SRD5A2: variants seen among roughly 807,000 people sequenced by gnomAD.
SRD5A2 encodes steroid 5 alpha-reductase 2.
A neutral mutation model predicts 27.4 loss-of-function variants in SRD5A2; 30 were observed. The observed-to-expected ratio is 1.10, with a 90% CI of 0.82 to 1.49. The LOEUF (loss-of-function observed/expected upper bound fraction) is 1.49. Among genes scored for constraint, SRD5A2 ranks in the 40% most tolerant of loss-of-function variants. The pLI is 0.00. For missense variants in SRD5A2, 348 were observed against 323.4 expected, an observed-to-expected ratio of 1.08 and a Z score of -0.58; for synonymous variants, 141 against 133.6, an observed-to-expected ratio of 1.06 and a Z score of -0.38.
chr2:31,532,378 C>T (rs1255017152), intron 2 of SRD5A2, among the ~76,000 whole-genome samples: 4 of 150,154 alleles, frequency 2.7e-5, no homozygotes, highest in Non-Finnish European at 4.5e-5. Context: ...CACACACACA[C>T]ACACACACAC....
chr2:31,574,642 A>T (rs943200283), intron 1 of SRD5A2, among the ~76,000 whole-genome samples: 1 of 152,226 alleles, frequency 6.6e-6, no homozygotes, highest in Non-Finnish European at 1.5e-5. Flanking sequence ...AAGTTCAAAT[A>T]AAAACTTAGA....
the SRD5A2 span, among the ~76,000 whole-genome samples, chr2:31,587,534 G>A: frequency 6.6e-6 from 1 of 152,190 alleles, no homozygotes; most frequent in Non-Finnish European, 1.5e-5. Flanking sequence ...TAAGGAAAAT[G>A]TGGCACATAT....
the SRD5A2 span, among the ~76,000 whole-genome samples, chr2:31,645,789 G>A: frequency 6.6e-6 from 1 of 152,112 alleles, no homozygotes; most frequent in African/African-American, 2.4e-5. Context: ...AATAGATATT[G>A]AATGAAAGAG....
At chr2:31,603,040 T>G in the SRD5A2 span, among the ~76,000 whole-genome samples, 1 of 151,828 alleles carries the variant, frequency 6.6e-6, no homozygotes, top group Non-Finnish European at 1.5e-5. Context: ...CAAAACTAAT[T>G]GCAACAAAAG....
chr2:31,534,647 C>G (rs1433539171), intron 1 of SRD5A2, among the ~76,000 whole-genome samples: 4 of 152,196 alleles, frequency 2.6e-5, no homozygotes. Context: ...TGCACACGCA[C>G]ATGCTCATGC....
the SRD5A2 span, among the ~76,000 whole-genome samples, chr2:31,631,046 C>T: frequency 6.6e-6 from 1 of 152,312 alleles, no homozygotes; most frequent in East Asian, 1.9e-4. Flanking sequence ...CCTTAAAGTA[C>T]TTACAGAATC....
At chr2:31,572,848 A>T (rs1265828396) in intron 1 of SRD5A2, among the ~76,000 whole-genome samples, 1 of 152,214 alleles carries the variant, frequency 6.6e-6, no homozygotes, top group African/African-American at 2.4e-5. Flanking sequence ...TGTTTTCTTC[A>T]CAGTAACTTC....
the SRD5A2 span, among the ~76,000 whole-genome samples, chr2:31,615,796 C>A: frequency 3.9e-5 from 6 of 152,294 alleles, no homozygotes; most frequent in South Asian, 8.3e-4. Context: ...CTTGTCCAAT[C>A]AAGAGGCCCA....
Position 31,580,711 on chromosome 2 carries a change from G to C in SRD5A2, c.190C>G (p.Pro64Ala). 6.2e-7 allele frequency: 1 copy of C among 1,605,042 alleles called. No individual in the cohort carries two copies. The highest frequency in any genetic ancestry group is 1.3e-5 in the African/African-American group (1 of 75,032). The change falls in exon 1 of 5, where the codon CCC becomes GCC. Residue 64 changes from proline to alanine, a missense_variant. Physicochemically the swap from Pro to Ala is conservative, Grantham distance 27. Transcript: ENST00000622030. ...GGCTGCCGGGCGAGGATCCCCGCGGGCACCGCGAAGGAAGGCAGCTCCTGC... is the reference window on the plus strand; with the variant it reads ...GGCTGCCGGGCGAGGATCCCCGCGGCCACCGCGAAGGAAGGCAGCTCCTGC... ...FLQELPSFAVPAGILARQPLS... is the reference protein window; with the variant it reads ...FLQELPSFAVAAGILARQPLS...
At chr2:31,529,817 C>A (rs192963373) in intron 3 of SRD5A2, among the ~76,000 whole-genome samples, 13 of 152,268 alleles carry the variant, frequency 8.5e-5, no homozygotes, top group Admixed American at 5.2e-4. Context: ...CCTCTTACCT[C>A]CCCGCTCCTT....
the SRD5A2 span, among the ~76,000 whole-genome samples, chr2:31,586,897 C>A: frequency 3.3e-5 from 5 of 152,068 alleles, no homozygotes; most frequent in African/African-American, 1.2e-4. Flanking sequence ...GCACCATGGA[C>A]CAATCCTGGA....
chr2:31,529,301 A>G lies in SRD5A2; in HGVS notation c.698+6T>C. ...TGAATGCTGCCGCTTTTATTGAAAA[A>G]TTTACCTATGGTGGTGAAAAGCTCG... is the stretch of plus-strand genomic sequence containing the variant. On this transcript the variant is annotated splice_donor_region_variant and intron_variant, in intron 4 of 4. Transcript: ENST00000622030. 1 of 1,613,696 alleles carries G rather than the reference A, an allele frequency of 6.2e-7. No homozygotes were observed. Among genetic ancestry groups the G allele is most frequent in the Non-Finnish European group, 8.5e-7 (1 of 1,179,770 alleles).
the SRD5A2 span, among the ~76,000 whole-genome samples, chr2:31,612,482 T>C: frequency 2.6e-5 from 4 of 152,134 alleles, no homozygotes; most frequent in Admixed American, 1.3e-4. Flanking sequence ...AAGATTTGTA[T>C]ACTTAAAATG....
At chr2:31,618,231 GT>G in the SRD5A2 span, among the ~76,000 whole-genome samples, 1 of 152,228 alleles carries the variant, frequency 6.6e-6, no homozygotes, top group East Asian at 1.9e-4. Flanking sequence ...GGGGGAAACT[GT>G]CCCCATGTTT....
At chr2:31,583,575 C>G (rs937829409), upstream of SRD5A2, among the ~76,000 whole-genome samples, 4 of 133,868 alleles carry the variant, frequency 3.0e-5, no homozygotes, top group Admixed American at 3.5e-4. Flanking sequence ...ATCAGCATAT[C>G]AGGATCTGTG....
intron 4 of SRD5A2, among the ~76,000 whole-genome samples, chr2:31,528,256 C>CT (rs1487026980): frequency 6.6e-6 from 1 of 152,110 alleles, no homozygotes; most frequent in African/African-American, 2.4e-5. Flanking sequence ...CAGGGTTGGC[C>CT]TTGGTTATGA....
intron 1 of SRD5A2, among the ~76,000 whole-genome samples, chr2:31,566,286 C>T (rs1267551721): frequency 2.6e-5 from 4 of 151,872 alleles, no homozygotes; most frequent in African/African-American, 7.3e-5. Flanking sequence ...TTGGCTTCCA[C>T]CTTAATAAAA....
chr2:31,590,679 ATAC>A, the SRD5A2 span, among the ~76,000 whole-genome samples: 1 of 152,182 alleles, frequency 6.6e-6, no homozygotes, highest in South Asian at 2.1e-4. Context: ...ACTTCAAACT[ATAC>A]TACAAGGCTA....
the SRD5A2 span, among the ~76,000 whole-genome samples, chr2:31,622,796 T>G: frequency 6.6e-6 from 1 of 152,134 alleles, no homozygotes; most frequent in Admixed American, 6.6e-5. Context: ...GTCCAACCAC[T>G]GAGCTGGTCA....
Sources: allele counts gnomAD v4.1 joint callset (sites outside exome capture counted in the v4.1 genomes callset), GRCh38; gene constraint gnomAD v4.1.1; transcripts MANE v1.5; gene names NCBI Gene and HGNC (gene_info 2026-07-23, HGNC 2026-07-21).